PRKG1: variants seen among roughly 807,000 people sequenced by gnomAD.
PRKG1 encodes the protein protein kinase cGMP-dependent 1.
Under a neutral mutation model 88.1 loss-of-function variants are expected in PRKG1, and 35 were observed. That is an observed-to-expected ratio of 0.40 (90% CI 0.30 to 0.53). PRKG1 has a LOEUF of 0.53. Ranked by LOEUF, PRKG1 falls within the 20% of genes least tolerant of loss-of-function variation. PRKG1 has a pLI of 0.59. For synonymous variants in PRKG1, 303 were observed against 292.5 expected (o/e 1.04, Z -0.37); for missense variants, 540 against 839.8 (o/e 0.64, Z 4.41).
At chr10:51,886,275 A>G (rs1841566655) in intron 4 of PRKG1, among the ~76,000 whole-genome samples, 1 of 152,150 alleles carries the variant, frequency 6.6e-6, no homozygotes, top group Non-Finnish European at 1.5e-5. Context: ...TCAATATCAT[A>G]TTTATATGTA....
intron 9 of PRKG1, among the ~76,000 whole-genome samples, chr10:52,247,804 C>T (rs1487085549): frequency 2.0e-5 from 3 of 152,134 alleles, no homozygotes; most frequent in South Asian, 2.1e-4. Context: ...GAGACCAGCT[C>T]GGTCGGGGAG....
chr10:51,623,111 C>T (rs553125758), intron 3 of PRKG1, among the ~76,000 whole-genome samples: 4 of 152,322 alleles, frequency 2.6e-5, no homozygotes, highest in Non-Finnish European at 5.9e-5. Flanking sequence ...CAACAGATCA[C>T]ATTGATATCT....
At chr10:52,167,689 T>C (rs10824191) in intron 9 of PRKG1, among the ~76,000 whole-genome samples, 21,166 of 151,590 alleles carry the variant, frequency 0.14, 1,864 homozygotes, top group South Asian at 0.31. Flanking sequence ...TAGCGATGCT[T>C]TTCAAACTAC....
intron 2 of PRKG1, chr10:51,306,599 A>G (rs967146910): frequency 2.6e-5 from 4 of 152,242 alleles, no homozygotes; most frequent in African/African-American, 7.2e-5. Context: ...GATGTTTTCA[A>G]TGTCTGGATT....
Position 51,372,424 on chromosome 10 carries a change from C to A in PRKG1, c.479-95299C>A, listed in dbSNP as rs73330495. 8.2e-3 allele frequency among the ~76,000 whole-genome samples: 1,243 copies of A among 152,128 alleles called. 13 individuals are homozygous for A. The highest frequency in any genetic ancestry group is 0.028 in the African/African-American group (1,164 of 41,520). The stretch of plus-strand genomic sequence containing the variant: ...AATTCTAATAGCTTCTATATAGATT[C>A]TTTTGTTTTTCACTTGTGTAATCAT... On this transcript the variant is annotated intron_variant, in intron 2 of 17. Transcript: ENST00000373980.
chr10:51,945,411 T>C (rs1477399754), intron 5 of PRKG1, among the ~76,000 whole-genome samples: 1 of 150,966 alleles, frequency 6.6e-6, no homozygotes, highest in Non-Finnish European at 1.5e-5. Flanking sequence ...CTTTATCCAA[T>C]TTGCCAGTCT....
chr10:51,343,756 T>C (rs1443965734), intron 2 of PRKG1, among the ~76,000 whole-genome samples: 1 of 152,120 alleles, frequency 6.6e-6, no homozygotes, highest in African/African-American at 2.4e-5. Context: ...CCTCAATAAA[T>C]AAATTGTAAA....
chr10:51,996,314 C>CAAAAAAAAAA (rs59174399), intron 5 of PRKG1, among the ~76,000 whole-genome samples: 8 of 30,024 alleles, frequency 2.7e-4, no homozygotes, highest in Admixed American at 6.8e-4. Flanking sequence ...GACTCCATCT[C>CAAAAAAAAAA]AAAAAAAAAA....
intron 10 of PRKG1, chr10:52,252,402 T>C (rs1841195345): frequency 1.3e-5 from 2 of 152,062 alleles, no homozygotes; most frequent in Non-Finnish European, 2.9e-5. Context: ...TGTACTCTTA[T>C]GACTAACTGC....
chr10:52,120,239 C>T (rs1847788657), intron 7 of PRKG1, among the ~76,000 whole-genome samples: 1 of 152,212 alleles, frequency 6.6e-6, no homozygotes, highest in Non-Finnish European at 1.5e-5. Flanking sequence ...TACTGTTGCA[C>T]TGGAGATTAA....
intron 2 of PRKG1, among the ~76,000 whole-genome samples, chr10:51,205,716 T>C (rs1222692658): frequency 6.7e-6 from 1 of 148,396 alleles, no homozygotes; most frequent in Non-Finnish European, 1.5e-5. Flanking sequence ...GTATTTTTAG[T>C]AGAGATGGGG....
intron 3 of PRKG1, among the ~76,000 whole-genome samples, chr10:51,627,577 A>AT (rs1839369036): frequency 6.6e-6 from 1 of 152,028 alleles, no homozygotes; most frequent in Admixed American, 6.5e-5. Flanking sequence ...GTCTTTGTTC[A>AT]TTTTTTTGTT....
At chr10:51,108,957 T>A (rs192909672) in intron 1 of PRKG1, among the ~76,000 whole-genome samples, 11 of 152,138 alleles carry the variant, frequency 7.2e-5, no homozygotes, top group Non-Finnish European at 8.8e-5. Context: ...TATTTCTCTA[T>A]ATACACTCAG....
At chr10:52,007,207 AC>A (rs1844759596) in intron 5 of PRKG1, among the ~76,000 whole-genome samples, 1 of 152,206 alleles carries the variant, frequency 6.6e-6, no homozygotes, top group African/African-American at 2.4e-5. Flanking sequence ...TAAAGCAACC[AC>A]AAAAAAGAGT....
At chr10:52,068,172 C>T (rs1846403554) in intron 7 of PRKG1, among the ~76,000 whole-genome samples, 1 of 91,736 alleles carries the variant, frequency 1.1e-5, no homozygotes, top group African/African-American at 3.3e-5. Flanking sequence ...CACTGCACTC[C>T]AGCCTGGGCG....
chr10:51,783,509 T>TA (rs1838648975), intron 3 of PRKG1, among the ~76,000 whole-genome samples: 4 of 152,206 alleles, frequency 2.6e-5, no homozygotes, highest in Admixed American at 2.6e-4. Context: ...CTCAAACTCC[T>TA]AATTTCAAGT....
chr10:51,221,654 A>T lies in PRKG1; in HGVS notation c.478+68324A>T, dbSNP rs534554400. Reference sequence around the variant, plus strand: ...AAGATTGGCAAACTTTTTTTTTCCTAACCATGTTCTGCATTATTTAACTTT... The same window carrying T: ...AAGATTGGCAAACTTTTTTTTTCCTTACCATGTTCTGCATTATTTAACTTT... On this transcript the variant is annotated intron_variant, in intron 2 of 17. Transcript: ENST00000373980. Among the ~76,000 whole-genome samples the T allele has an allele frequency of 1.2e-4, 18 of 150,828 alleles. No homozygotes were observed. The South Asian group carries it at 3.8e-3, about 32-fold the overall frequency.
intron 2 of PRKG1, among the ~76,000 whole-genome samples, chr10:51,416,897 AT>A (rs972430664): frequency 6.6e-6 from 1 of 152,174 alleles, no homozygotes; most frequent in African/African-American, 2.4e-5. Context: ...ATAAAAACAT[AT>A]TGTTAGCAAA....
intron 2 of PRKG1, among the ~76,000 whole-genome samples, chr10:51,430,017 A>C: frequency 6.6e-6 from 1 of 152,014 alleles, no homozygotes; most frequent in East Asian, 1.9e-4. Flanking sequence ...ACATTCAAGT[A>C]TCTTAACAAA....
Sources: gnomAD v4.1 joint callset for allele counts (sites outside exome capture counted in the v4.1 genomes callset) on GRCh38, gnomAD v4.1.1 for gene constraint, MANE v1.5 for transcripts, NCBI Gene and HGNC (gene_info 2026-07-23, HGNC 2026-07-21) for gene names.